Variants in BAZ1B observed in about 807,000 individuals in gnomAD.
BAZ1B encodes tyrosine-protein kinase BAZ1B.
BAZ1B carries 22 observed loss-of-function variants against 153.8 expected under a neutral mutation model. That is an observed-to-expected ratio of 0.14 (90% confidence interval 0.10 to 0.20). BAZ1B has a LOEUF of 0.20. Among genes scored for constraint, BAZ1B ranks in the 10% least tolerant of loss-of-function variants. The pLI is 1.00. For synonymous variants in BAZ1B, 676 were observed against 633.4 expected (o/e 1.07, Z -1.01); for missense variants, 1,325 against 1,799.3 (o/e 0.74, Z 4.77).
At chr7:73,513,727 A>G (rs1466813802) in intron 1 of BAZ1B, among the ~76,000 whole-genome samples, 1 of 152,162 alleles carries the variant, frequency 6.6e-6, no homozygotes, top group Non-Finnish European at 1.5e-5. Context: ...ATTCTAACAC[A>G]TTATTTAGCC....
chr7:73,476,524 T>C (rs990181130), intron 7 of BAZ1B, among the ~76,000 whole-genome samples: 11 of 152,186 alleles, frequency 7.2e-5, no homozygotes, highest in African/African-American at 2.7e-4. Context: ...AAAGGAACAC[T>C]GTACAGCTAA....
intron 13 of BAZ1B, among the ~76,000 whole-genome samples, chr7:73,457,489 G>C (rs1301808601): frequency 6.6e-6 from 1 of 152,048 alleles, no homozygotes; most frequent in Non-Finnish European, 1.5e-5. Flanking sequence ...GGACTCATTT[G>C]TACATTCATG....
chr7:73,502,759 C>CA (rs1321113279), intron 3 of BAZ1B, among the ~76,000 whole-genome samples: 1 of 152,174 alleles, frequency 6.6e-6, no homozygotes, highest in East Asian at 1.9e-4. Context: ...GCCTAGGCGA[C>CA]AGAGCCAGAC....
chr7:73,522,258 T>G lies in BAZ1B; in HGVS notation c.-325A>C. 2.7e-6 allele frequency: 1 copy of G among 373,622 alleles called. No homozygotes were observed. Among genetic ancestry groups the G allele is most frequent in the Non-Finnish European group, 4.8e-6 (1 of 210,178 alleles). The allele number at this position is 373,622 out of a possible 1,614,324, so 23.1% of individuals were successfully genotyped here. The stretch of plus-strand genomic sequence containing the variant: ...AAATTATTGAAAAATGGCGGGAGAT[T>G]CCCCTCCTCCCCCGGGCCCGGCCAA... On this transcript the variant is annotated 5_prime_UTR_variant, in exon 1 of 20. Coordinates refer to ENST00000339594, the MANE Select transcript of BAZ1B (RefSeq NM_032408.4).
At chr7:73,457,215 T>A (rs1313897532) in intron 13 of BAZ1B, among the ~76,000 whole-genome samples, 1 of 152,130 alleles carries the variant, frequency 6.6e-6, no homozygotes, top group Non-Finnish European at 1.5e-5. Flanking sequence ...TTTTGCTCTG[T>A]TGCCCAGGGT....
At chr7:73,492,287 T>G (rs1402699335) in intron 5 of BAZ1B, among the ~76,000 whole-genome samples, 1 of 152,156 alleles carries the variant, frequency 6.6e-6, no homozygotes, top group Non-Finnish European at 1.5e-5. Context: ...CTCAGCCTCC[T>G]GAGTAGCTGG....
At position 73,491,149 on chromosome 7, in the gene BAZ1B, G is replaced by T. The variant is rs547721032; in HGVS notation, c.693+1651C>A. The stretch of plus-strand genomic sequence containing the variant: ...AAAAATACAAAACTTAGCCGGGCAC[G>T]GTGGCGGGCACCTGTAATCCCAGCT... On this transcript the variant is annotated intron_variant, in intron 5 of 19. Transcript: ENST00000339594. 2.6e-5 allele frequency among the ~76,000 whole-genome samples: 4 copies of T among 151,994 alleles called. No homozygotes were observed. The South Asian group carries it at 8.3e-4, about 32-fold the overall frequency.
chr7:73,478,672 G>A (rs1789085714), intron 6 of BAZ1B, 103 bp from the exon 7 acceptor site: 1 of 970,762 alleles, frequency 1.0e-6, no homozygotes, highest in Admixed American at 3.4e-5. Flanking sequence ...TTCAGGTAAA[G>A]CTACATATTC....
chr7:73,496,640 A>C (rs969194819), intron 4 of BAZ1B, among the ~76,000 whole-genome samples: 55 of 152,328 alleles, frequency 3.6e-4, no homozygotes, highest in African/African-American at 1.3e-3. Context: ...CGGTCTTCCC[A>C]GTGAGCCAAA....
intron 5 of BAZ1B, among the ~76,000 whole-genome samples, chr7:73,489,615 G>A (rs1554575134): frequency 6.6e-6 from 1 of 152,168 alleles, no homozygotes; most frequent in Non-Finnish European, 1.5e-5. Context: ...AGGAGTTACA[G>A]ATCGACCTGG....
chr7:73,501,187 C>A (rs1050576379), intron 3 of BAZ1B, among the ~76,000 whole-genome samples: 2 of 149,720 alleles, frequency 1.3e-5, no homozygotes, highest in African/African-American at 4.9e-5. Flanking sequence ...ACCTGGGATG[C>A]GGAGGTTGCG....
chr7:73,511,715 C>G (rs1790585497), intron 1 of BAZ1B, among the ~76,000 whole-genome samples: 1 of 151,614 alleles, frequency 6.6e-6, no homozygotes, highest in Non-Finnish European at 1.5e-5. Flanking sequence ...AAAACTCAGA[C>G]AAGTTTAAGA....
At chr7:73,453,915 C>G (rs1554568998) in intron 13 of BAZ1B, among the ~76,000 whole-genome samples, 2 of 152,154 alleles carry the variant, frequency 1.3e-5, no homozygotes, top group African/African-American at 2.4e-5. Flanking sequence ...GAGTTTGAGG[C>G]TGTAGTGAGC....
At chr7:73,471,971 C>CCCT (rs1452599249) in intron 7 of BAZ1B, among the ~76,000 whole-genome samples, 1 of 151,656 alleles carries the variant, frequency 6.6e-6, no homozygotes, top group Non-Finnish European at 1.5e-5. Context: ...CAACTTAGGA[C>CCCT]AAGTCACCAA....
chr7:73,455,625 T>C (rs1788167523), intron 13 of BAZ1B, among the ~76,000 whole-genome samples: 1 of 151,622 alleles, frequency 6.6e-6, no homozygotes, highest in Non-Finnish European at 1.5e-5. Context: ...TATAAAAAAT[T>C]TAAAAATTAG....
intron 3 of BAZ1B, among the ~76,000 whole-genome samples, chr7:73,504,601 T>G (rs1350792215): frequency 6.6e-6 from 1 of 151,716 alleles, no homozygotes; most frequent in Non-Finnish European, 1.5e-5. Flanking sequence ...GAGGCGGAGC[T>G]TGCAACGAGC....
At chr7:73,509,138 A>T (rs1414243321) in intron 2 of BAZ1B, among the ~76,000 whole-genome samples, 1 of 152,192 alleles carries the variant, frequency 6.6e-6, no homozygotes, top group East Asian at 1.9e-4. Context: ...CCTGGCCAAC[A>T]TGGCGAAACC....
intron 6 of BAZ1B, among the ~76,000 whole-genome samples, chr7:73,485,536 G>A (rs1554574359): frequency 6.6e-6 from 1 of 151,580 alleles, no homozygotes; most frequent in African/African-American, 2.4e-5. Flanking sequence ...TGAGGTGGGA[G>A]GACTGCTTGA....
intron 3 of BAZ1B, among the ~76,000 whole-genome samples, chr7:73,507,552 G>T (rs111672537): frequency 6.6e-6 from 1 of 151,144 alleles, no homozygotes; most frequent in Non-Finnish European, 1.5e-5. Flanking sequence ...CCCTGTCTCC[G>T]AAAAATAAAA....
Sources: allele counts gnomAD v4.1 joint callset (sites outside exome capture counted in the v4.1 genomes callset), GRCh38; gene constraint gnomAD v4.1.1; transcripts MANE v1.5; gene names NCBI Gene and HGNC (gene_info 2026-07-23, HGNC 2026-07-21).